The following FRYL variants were observed in gnomAD, a reference collection of about 807,000 sequenced individuals.
FRYL encodes the protein protein furry homolog-like.
Under a neutral mutation model 351.2 loss-of-function variants are expected in FRYL, and 150 were observed. That is an observed-to-expected ratio of 0.43 (90% CI 0.37 to 0.49). FRYL has a LOEUF of 0.49. Ranked by LOEUF, FRYL falls within the 20% of genes least tolerant of loss-of-function variation. The probability of loss-of-function intolerance (pLI) is 0.00; values close to 1 mark genes in which losing one functional copy is unlikely to be tolerated. For missense variants in FRYL, 3,036 were observed against 3,619.3 expected (o/e 0.84, Z 4.13); for synonymous variants, 1,153 against 1,257.1 (o/e 0.92, Z 1.75).
chr4:48,605,738 T>C lies in FRYL; in HGVS notation c.834+3A>G. On this transcript the variant is annotated splice_donor_region_variant and intron_variant, in intron 11 of 63. Transcript: ENST00000358350. The stretch of plus-strand genomic sequence containing the variant: ...ATGGTATGAAAATAAGAAAAATACT[T>C]ACAGCAGCTACAGGGATAAGAATCT... 3 of 1,567,818 alleles carry C rather than the reference T, an allele frequency of 1.9e-6. No homozygotes were observed. The highest frequency in any genetic ancestry group is 1.1e-5 in the South Asian group (1 of 89,018).
intron 4 of FRYL, among the ~76,000 whole-genome samples, chr4:48,630,929 T>A (rs932234882): frequency 5.9e-5 from 9 of 152,066 alleles, no homozygotes; most frequent in African/African-American, 1.9e-4. Flanking sequence ...ACCCAGAGAG[T>A]CATCTTAGAT....
At chr4:48,601,461 C>T (rs1020533941) in intron 13 of FRYL, among the ~76,000 whole-genome samples, 2 of 152,164 alleles carry the variant, frequency 1.3e-5, no homozygotes, top group African/African-American at 4.8e-5. Flanking sequence ...GTTTTGTTTT[C>T]AGGACTAAGA....
At chr4:48,674,732 GTC>G in intron 3 of FRYL, among the ~76,000 whole-genome samples, 1 of 750 alleles carries the variant, frequency 1.3e-3, no homozygotes. Context: ...GCAAGACTCT[GTC>G]TCAAAAAAAA....
chr4:48,745,108 A>G (rs114593522), intron 1 of FRYL, among the ~76,000 whole-genome samples: 3,393 of 152,282 alleles, frequency 0.022, 71 homozygotes, highest in Non-Finnish European at 0.032. Context: ...GGGGAGCAAA[A>G]TCATCAGAAT....
intron 3 of FRYL, among the ~76,000 whole-genome samples, chr4:48,663,231 CTTATA>C (rs1033236137): frequency 4.0e-5 from 6 of 151,836 alleles, no homozygotes; most frequent in African/African-American, 4.8e-5. Flanking sequence ...GTTTCAGGTT[CTTATA>C]TTATATGTAA....
At chr4:48,547,300 G>C (rs907470034) in intron 41 of FRYL, among the ~76,000 whole-genome samples, 3 of 152,080 alleles carry the variant, frequency 2.0e-5, no homozygotes, top group African/African-American at 7.2e-5. Context: ...CATCTTTTTC[G>C]TAATTCGTCC....
chr4:48,572,733 G>A (rs1251063021), intron 26 of FRYL, among the ~76,000 whole-genome samples: 1 of 152,190 alleles, frequency 6.6e-6, no homozygotes, highest in Non-Finnish European at 1.5e-5. Flanking sequence ...CTGTAGATTT[G>A]GGAATCTAGG....
chr4:48,739,030 C>T (rs1671276278), intron 1 of FRYL, among the ~76,000 whole-genome samples: 1 of 152,244 alleles, frequency 6.6e-6, no homozygotes, highest in South Asian at 2.1e-4. Context: ...TGAAGCAACA[C>T]TCATCAAGAC....
intron 1 of FRYL, among the ~76,000 whole-genome samples, chr4:48,724,705 C>T (rs1055710685): frequency 1.3e-5 from 2 of 152,080 alleles, no homozygotes; most frequent in African/African-American, 2.4e-5. Flanking sequence ...AAGAAAAACA[C>T]CAATATGCAT....
chr4:48,730,079 T>C (rs936995929), intron 1 of FRYL, among the ~76,000 whole-genome samples: 1 of 152,110 alleles, frequency 6.6e-6, no homozygotes, highest in Non-Finnish European at 1.5e-5. Flanking sequence ...GAGAACTTCA[T>C]GAAGCATACA....
intron 1 of FRYL, among the ~76,000 whole-genome samples, chr4:48,770,182 G>A (rs1775370221): frequency 6.6e-6 from 1 of 152,076 alleles, no homozygotes; most frequent in African/African-American, 2.4e-5. Flanking sequence ...TATGTAAGAT[G>A]TTACAACTGG....
intron 13 of FRYL, among the ~76,000 whole-genome samples, chr4:48,596,502 T>C (rs1744621042): frequency 1.3e-5 from 2 of 152,104 alleles, no homozygotes; most frequent in South Asian, 2.1e-4. Context: ...GCGTGGACTC[T>C]AAAACTGGGA....
intron 1 of FRYL, among the ~76,000 whole-genome samples, chr4:48,711,161 T>C (rs1767955356): frequency 6.6e-6 from 1 of 152,214 alleles, no homozygotes; most frequent in African/African-American, 2.4e-5. Context: ...GATTTCTGCA[T>C]TTCCATCTGA....
At chr4:48,729,982 T>C (rs557106387) in intron 1 of FRYL, among the ~76,000 whole-genome samples, 87 of 152,056 alleles carry the variant, frequency 5.7e-4, no homozygotes, top group African/African-American at 2.0e-3. Flanking sequence ...GCTAAAAACT[T>C]TGAAAAAAGG....
At position 48,623,185 on chromosome 4, in the gene FRYL, A is replaced by AT; in HGVS notation, c.121-7dup. ...GATCTGGACAATAGCTTCTCCTATGATTAAAAAAAACAAACATTAAAAATA... is the reference window on the plus strand; with the variant it reads ...GATCTGGACAATAGCTTCTCCTATGATTTAAAAAAAACAAACATTAAAAATA... On this transcript the variant is annotated splice_region_variant and splice_polypyrimidine_tract_variant and intron_variant, in intron 4 of 63. Coordinates refer to ENST00000358350, the MANE Select transcript of FRYL (RefSeq NM_015030.2). 2.2e-6 allele frequency: 3 copies of AT among 1,382,620 alleles called. No homozygotes were observed. Among genetic ancestry groups the AT allele is most frequent in the East Asian group, 2.4e-5 (1 of 41,052 alleles). The allele number at this position is 1,382,620 out of a possible 1,614,324, so 85.6% of individuals were successfully genotyped here.
intron 7 of FRYL, among the ~76,000 whole-genome samples, chr4:48,611,939 T>C (rs1236158562): frequency 6.6e-6 from 1 of 152,158 alleles, no homozygotes; most frequent in Non-Finnish European, 1.5e-5. Context: ...TCTGTATATA[T>C]TGTTGCAAAG....
At chr4:48,670,453 C>CAT (rs1297817949) in intron 3 of FRYL, among the ~76,000 whole-genome samples, 3 of 149,720 alleles carry the variant, frequency 2.0e-5, no homozygotes, top group Non-Finnish European at 3.0e-5. Context: ...TATACATATA[C>CAT]ATATATATAT....
Position 48,595,947 on chromosome 4 carries a change from C to A in FRYL, c.1089G>T (p.Leu363Phe). Residue 363 changes from leucine (L) to phenylalanine (F), a missense_variant, in exon 14 of 64, where the codon TTG (leucine) becomes TTT (phenylalanine). By Grantham distance (22) the Leu-to-Phe change is conservative. Transcript: ENST00000358350. ...RVALESLYRL[L>F]WVYVIRIKCE... ...ATTTTATTCTAATTACATAAACCCA[C>A]AATAATCTATACAAAGATTCCAGTG... 2 of 1,606,886 alleles carry A rather than the reference C, an allele frequency of 1.2e-6. No individual in the cohort carries two copies. Among genetic ancestry groups the A allele is most frequent in the Non-Finnish European group, 1.7e-6 (2 of 1,177,524 alleles).
At chr4:48,610,693 ATATAT>A (rs1173389826) in intron 7 of FRYL, among the ~76,000 whole-genome samples, 46 of 145,596 alleles carry the variant, frequency 3.2e-4, no homozygotes, top group African/African-American at 1.0e-3. Context: ...TATTATATAC[ATATAT>A]TATATACATA....
Sources: allele counts gnomAD v4.1 joint callset (sites outside exome capture counted in the v4.1 genomes callset), GRCh38; gene constraint gnomAD v4.1.1; transcripts MANE v1.5; gene names NCBI Gene and HGNC (gene_info 2026-07-23, HGNC 2026-07-21).